Variants in P3H2 observed in about 807,000 individuals in gnomAD.
P3H2 encodes leprecan-like 1.
In P3H2, 80 loss-of-function variants were observed where a neutral mutation model predicts 87.0. The observed-to-expected ratio is 0.92, with a 90% CI of 0.77 to 1.11. The LOEUF (loss-of-function observed/expected upper bound fraction) is 1.11. Ranked by LOEUF, P3H2 falls within the 50% of genes least tolerant of loss-of-function variation. The pLI, the probability that P3H2 is intolerant of heterozygous loss-of-function variation, is 0.00. For missense variants in P3H2, 1,001 were observed against 923.9 expected (o/e 1.08, Z -1.08); for synonymous variants, 367 against 359.3 (o/e 1.02, Z -0.24).
chr3:189,993,938 A>G (rs1414957295), intron 3 of P3H2, among the ~76,000 whole-genome samples, 156 bp downstream of exon 3: 1 of 152,206 alleles, frequency 6.6e-6, no homozygotes, highest in African/African-American at 2.4e-5. Context: ...AATTTTAACT[A>G]CATACATTTC....
intron 5 of P3H2, among the ~76,000 whole-genome samples, chr3:189,987,090 C>A (rs995863524): frequency 6.6e-6 from 1 of 152,134 alleles, no homozygotes; most frequent in African/African-American, 2.4e-5. Context: ...TTGAAAGAAC[C>A]GAGTTCAACA....
At chr3:190,009,417 C>G (rs1481937454) in intron 1 of P3H2, among the ~76,000 whole-genome samples, 1 of 152,126 alleles carries the variant, frequency 6.6e-6, no homozygotes, top group Non-Finnish European at 1.5e-5. Flanking sequence ...ATCAATCTTA[C>G]TGAGCAATGC....
chr3:190,101,435 T>C (rs1456910733), intron 1 of P3H2, among the ~76,000 whole-genome samples: 1 of 120,844 alleles, frequency 8.3e-6, no homozygotes, highest in African/African-American at 3.3e-5. Context: ...AGTGAACACA[T>C]GGATAAGAAA....
chr3:189,962,141 T>C (rs888356669), intron 14 of P3H2, among the ~76,000 whole-genome samples: 1 of 148,900 alleles, frequency 6.7e-6, no homozygotes, highest in Non-Finnish European at 1.5e-5. Flanking sequence ...TCAGGGCCTT[T>C]CTTTCTTTTT....
At chr3:190,109,665 G>C (rs1711990596) in intron 1 of P3H2, among the ~76,000 whole-genome samples, 1 of 152,118 alleles carries the variant, frequency 6.6e-6, no homozygotes, top group African/African-American at 2.4e-5. Context: ...TGGGATATAA[G>C]CCAAGTGCTT....
At chr3:190,104,808 G>T (rs1041199465) in intron 1 of P3H2, among the ~76,000 whole-genome samples, 2 of 152,186 alleles carry the variant, frequency 1.3e-5, no homozygotes, top group Admixed American at 6.5e-5. Flanking sequence ...TCGGAAATCA[G>T]AGGACTGATG....
At chr3:189,982,326 C>T (rs776904000) in intron 8 of P3H2, among the ~76,000 whole-genome samples, 2 of 152,140 alleles carry the variant, frequency 1.3e-5, no homozygotes, top group Non-Finnish European at 2.9e-5. Context: ...AATCATAAAA[C>T]ATATAGAAAT....
At chr3:190,004,827 CGTT>C (rs1724337382) in intron 1 of P3H2, among the ~76,000 whole-genome samples, 2 of 151,964 alleles carry the variant, frequency 1.3e-5, no homozygotes, top group Admixed American at 1.3e-4. Flanking sequence ...GGGGGAAAAA[CGTT>C]GTCTTTCCCG....
At chr3:190,052,491 C>A (rs946661471) in intron 1 of P3H2, among the ~76,000 whole-genome samples, 1 of 152,112 alleles carries the variant, frequency 6.6e-6, no homozygotes, top group Admixed American at 6.5e-5. Context: ...GTGAACTATA[C>A]TACAGAGTAA....
At position 189,994,305 on chromosome 3, in the gene P3H2, AAAAC is replaced by A. The variant is rs3836444; in HGVS notation, c.634-26_634-23del. On this transcript the variant is annotated intron_variant, in intron 2 of 14. Transcript: ENST00000319332. ...TCTCCTGTAATGAAACAGACGGGAA[AAAAC>A]AAACAAACAAACAAACAAACAAACA... 7.4e-4 allele frequency: 907 copies of A among 1,229,798 alleles called. 6 individuals are homozygous for A. The highest frequency in any genetic ancestry group is 1.8e-3 in the South Asian group (140 of 78,438). The allele number at this position is 1,229,798 out of a possible 1,614,324, so 76.2% of individuals were successfully genotyped here.
At chr3:189,961,383 C>T (rs894952397) in intron 14 of P3H2, among the ~76,000 whole-genome samples, 4 of 152,200 alleles carry the variant, frequency 2.6e-5, no homozygotes, top group African/African-American at 2.4e-5. Flanking sequence ...AAGCTTCGAA[C>T]ATCCTTGCAT....
At chr3:190,051,705 A>C (rs1725989378) in intron 1 of P3H2, among the ~76,000 whole-genome samples, 1 of 152,254 alleles carries the variant, frequency 6.6e-6, no homozygotes, top group Non-Finnish European at 1.5e-5. Flanking sequence ...ATTACTTTCA[A>C]ATCACTTTCC....
intron 14 of P3H2, 47 bp from the exon 15 acceptor site, chr3:189,958,051 A>G (rs1398384821): frequency 3.6e-6 from 5 of 1,389,308 alleles, no homozygotes; most frequent in Non-Finnish European, 4.1e-6. Flanking sequence ...CATAATAATC[A>G]GTCTCATCAG....
Position 189,973,760 on chromosome 3 carries a change from G to A in P3H2, c.1548+149C>T, listed in dbSNP as rs148283807. On this transcript the variant is annotated intron_variant, in intron 10 of 14. Coordinates refer to ENST00000319332, the MANE Select transcript of P3H2 (RefSeq NM_018192.4). The stretch of plus-strand genomic sequence containing the variant: ...AGGGTGGTCTCGATCTCCTGACCTC[G>A]TGATCTGCCTGCCTCAGCCTCCCAA... 4.4e-3 allele frequency: 3,219 copies of A among 731,332 alleles called. 68 individuals are homozygous for A. The African/African-American group carries it at 0.048, about 11-fold the overall frequency. 45.3% of individuals were successfully genotyped at this position (731,332 alleles called of 1,614,324 possible).
At chr3:189,992,060 T>C (rs1295809801) in intron 3 of P3H2, among the ~76,000 whole-genome samples, 1 of 152,076 alleles carries the variant, frequency 6.6e-6, no homozygotes, top group Admixed American at 6.6e-5. Flanking sequence ...GGTAACTTGG[T>C]TTGAGTTATT....
At position 190,119,908 on chromosome 3, in the gene P3H2, G is replaced by T. The variant is rs555485439; in HGVS notation, c.480+344C>A. On this transcript the variant is annotated intron_variant, in intron 1 of 14. Transcript: ENST00000319332. ...AAATGGGAAGTGAGAAGGGAGAAGA[G>T]AAATGGGAAGTGAGAAGGGAGAAGA... 6.7e-5 allele frequency among the ~76,000 whole-genome samples: 10 copies of T among 149,976 alleles called. 1 individual carries two copies. In the South Asian group the frequency reaches 1.7e-3, roughly 25 times the overall value.
chr3:190,031,095 C>T (rs1349036), intron 1 of P3H2, among the ~76,000 whole-genome samples: 89,402 of 151,986 alleles, frequency 0.59, 27,926 homozygotes, highest in Admixed American at 0.71. Context: ...TGATGAAAGA[C>T]AGCACAATAA....
chr3:190,113,327 G>A (rs1169197225), intron 1 of P3H2, among the ~76,000 whole-genome samples: 1 of 149,654 alleles, frequency 6.7e-6, no homozygotes, highest in Admixed American at 6.6e-5. Flanking sequence ...ATCTTTGAGG[G>A]CTCTTTCAAG....
intron 1 of P3H2, among the ~76,000 whole-genome samples, chr3:190,101,046 T>C (rs1365978906): frequency 6.6e-6 from 1 of 152,142 alleles, no homozygotes; most frequent in Non-Finnish European, 1.5e-5. Flanking sequence ...CTATTGCAGC[T>C]GGTTCGGGCC....
Sources: gnomAD v4.1 joint callset for allele counts (sites outside exome capture counted in the v4.1 genomes callset) on GRCh38, gnomAD v4.1.1 for gene constraint, MANE v1.5 for transcripts, NCBI Gene and HGNC (gene_info 2026-07-23, HGNC 2026-07-21) for gene names.